Variants in DCC observed in about 807,000 individuals in gnomAD.
DCC encodes the protein netrin receptor DCC.
In DCC, 58 loss-of-function variants were observed where a neutral mutation model predicts 172.5. The ratio of observed to expected loss-of-function variants is 0.34; its 90% CI spans 0.27 to 0.42. The LOEUF (loss-of-function observed/expected upper bound fraction) is 0.42. DCC is among the 10% of genes least tolerant of loss of function. DCC has a pLI of 1.00. For missense variants in DCC, 1,740 were observed against 1,791.0 expected, an observed-to-expected ratio of 0.97 and a Z score of 0.51; for synonymous variants, 709 against 644.5, an observed-to-expected ratio of 1.10 and a Z score of -1.52.
At chr18:53,079,725 G>T (rs1205576525) in intron 7 of DCC, among the ~76,000 whole-genome samples, 1 of 152,136 alleles carries the variant, frequency 6.6e-6, no homozygotes, top group East Asian at 1.9e-4. Context: ...CTGAAGATGT[G>T]ACATCTGAGT....
intron 1 of DCC, among the ~76,000 whole-genome samples, chr18:52,650,838 C>T (rs895351072): frequency 2.6e-5 from 4 of 152,108 alleles, no homozygotes; most frequent in Non-Finnish European, 4.4e-5. Context: ...AGCAAAGTGA[C>T]AAAATACTTG....
At chr18:53,073,668 A>G (rs1445555779) in intron 7 of DCC, among the ~76,000 whole-genome samples, 5 of 152,102 alleles carry the variant, frequency 3.3e-5, no homozygotes. Flanking sequence ...GAGAAGCATT[A>G]TCAATTATCT....
chr18:53,314,016 T>C (rs2057315366), intron 13 of DCC, among the ~76,000 whole-genome samples: 2 of 152,232 alleles, frequency 1.3e-5, no homozygotes, highest in African/African-American at 4.8e-5. Context: ...ATGAAACGCT[T>C]GATTTTATAA....
chr18:52,574,895 C>G (rs2033375154), intron 1 of DCC, among the ~76,000 whole-genome samples: 1 of 152,042 alleles, frequency 6.6e-6, no homozygotes, highest in Non-Finnish European at 1.5e-5. Context: ...ACAAATGAAG[C>G]AAATTTAACA....
intron 7 of DCC, among the ~76,000 whole-genome samples, chr18:53,105,051 C>A (rs73957085): frequency 6.6e-6 from 1 of 151,958 alleles, no homozygotes; most frequent in African/African-American, 2.4e-5. Flanking sequence ...TTTAATACTA[C>A]TGGAAATGGT....
intron 24 of DCC, among the ~76,000 whole-genome samples, chr18:53,459,736 T>A (rs2145166866): frequency 6.6e-6 from 1 of 152,310 alleles, no homozygotes; most frequent in South Asian, 2.1e-4. Flanking sequence ...ATACAGAAAC[T>A]TAAATCCTAA....
intron 13 of DCC, among the ~76,000 whole-genome samples, chr18:53,307,417 A>C (rs540450435): frequency 1.3e-5 from 2 of 152,130 alleles, no homozygotes; most frequent in African/African-American, 4.8e-5. Flanking sequence ...AATCACCAAA[A>C]TTGAAAAATC....
At chr18:52,887,376 C>T (rs2039585743) in intron 2 of DCC, among the ~76,000 whole-genome samples, 2 of 151,874 alleles carry the variant, frequency 1.3e-5, no homozygotes, top group Non-Finnish European at 2.9e-5. Flanking sequence ...ATTTTCTATC[C>T]TTTGTGCTGC....
intron 7 of DCC, among the ~76,000 whole-genome samples, chr18:53,106,874 G>C (rs1394355411): frequency 6.6e-6 from 1 of 151,912 alleles, no homozygotes; most frequent in East Asian, 1.9e-4. Flanking sequence ...CTACAAGAAT[G>C]CCTGATAAAA....
Position 53,207,761 on chromosome 18 carries a change from A to C in DCC, c.1805A>C (p.Asn602Thr), listed in dbSNP as rs1404936236. Reference sequence around the variant, plus strand: ...TATAGTCTTCGATTCTTAGCTTATAATCGCTATGGTCCGGGCGTCTCTACT... The same window carrying C: ...TATAGTCTTCGATTCTTAGCTTATACTCGCTATGGTCCGGGCGTCTCTACT... Reference protein sequence around the residue: ...TEYSLRFLAYNRYGPGVSTDD... With the variant: ...TEYSLRFLAYTRYGPGVSTDD... Residue 602 changes from asparagine to threonine, a missense_variant, in exon 11 of 29, where the codon AAT (asparagine) becomes ACT (threonine). Around this residue, in one of 2 missense-constraint regions of DCC, gnomAD observed 1,732 missense variants for 1,767.4 expected, o/e 0.98. Coordinates refer to ENST00000442544, the MANE Select transcript of DCC (RefSeq NM_005215.4). 6.2e-7 allele frequency: 1 copy of C among 1,613,428 alleles called. No individual in the cohort carries two copies. Among genetic ancestry groups the C allele is most frequent in the Admixed American group, 1.7e-5 (1 of 60,016 alleles).
chr18:53,034,683 T>C (rs147392756), intron 5 of DCC, among the ~76,000 whole-genome samples: 1 of 149,670 alleles, frequency 6.7e-6, no homozygotes, highest in Non-Finnish European at 1.5e-5. Flanking sequence ...TCATATTAAG[T>C]CACTTATCTG....
chr18:53,144,461 C>T (rs573673060), intron 7 of DCC, among the ~76,000 whole-genome samples: 69 of 152,136 alleles, frequency 4.5e-4, no homozygotes, highest in Non-Finnish European at 6.2e-4. Flanking sequence ...TCTTACATGG[C>T]GGCAGGCAAG....
intron 12 of DCC, among the ~76,000 whole-genome samples, chr18:53,276,898 GGGTACCCATTGAT>G (rs2056812603): frequency 6.6e-6 from 1 of 152,072 alleles, no homozygotes; most frequent in South Asian, 2.1e-4. Flanking sequence ...TAGAGTCACA[GGGTACCCATTGAT>G]GGTGGTACTT....
intron 1 of DCC, among the ~76,000 whole-genome samples, chr18:52,520,403 C>G (rs1375284892): frequency 6.6e-6 from 1 of 152,192 alleles, no homozygotes; most frequent in African/African-American, 2.4e-5. Context: ...TCTTCCCATC[C>G]TCTCAACAGA....
At chr18:52,708,113 A>G (rs939860171) in intron 1 of DCC, among the ~76,000 whole-genome samples, 1 of 152,164 alleles carries the variant, frequency 6.6e-6, no homozygotes, top group African/African-American at 2.4e-5. Context: ...TGCCATAAAC[A>G]TATACAACTT....
At chr18:52,695,110 T>A (rs9958808) in intron 1 of DCC, among the ~76,000 whole-genome samples, 1 of 152,144 alleles carries the variant, frequency 6.6e-6, no homozygotes, top group Non-Finnish European at 1.5e-5. Flanking sequence ...ATGAATTTCG[T>A]AGGTCTCTTT....
At chr18:53,145,109 T>TTC (rs1219405037) in intron 7 of DCC, among the ~76,000 whole-genome samples, 1 of 123,424 alleles carries the variant, frequency 8.1e-6, no homozygotes, top group African/African-American at 3.0e-5. Flanking sequence ...GCTCTGCTTT[T>TTC]TTTTTTTTTT....
chr18:52,811,215 G>C (rs569148300), intron 2 of DCC, among the ~76,000 whole-genome samples: 3 of 152,084 alleles, frequency 2.0e-5, no homozygotes, highest in Non-Finnish European at 4.4e-5. Context: ...TGTCATTATC[G>C]TCTTTCACAG....
chr18:52,371,759 A>G (rs1985132932), intron 1 of DCC, among the ~76,000 whole-genome samples: 1 of 152,182 alleles, frequency 6.6e-6, no homozygotes, highest in Non-Finnish European at 1.5e-5. Context: ...TGTCTGGTTT[A>G]TGCTAGTTTC....
Sources: gnomAD v4.1 joint callset for allele counts (sites outside exome capture counted in the v4.1 genomes callset) on GRCh38, gnomAD v4.1.1 for gene constraint, gnomAD v4.1.1 regional missense constraint, MANE v1.5 for transcripts, NCBI Gene and HGNC (gene_info 2026-07-23, HGNC 2026-07-21) for gene names.